The following MSI2 variants were observed in gnomAD, a reference collection of about 807,000 sequenced individuals.
MSI2 encodes musashi RNA binding protein 2.
A neutral mutation model predicts 45.6 loss-of-function variants in MSI2; 17 were observed. The observed-to-expected ratio is 0.37, with a 90% CI of 0.26 to 0.56. MSI2 has a LOEUF of 0.56. MSI2 is among the 20% of genes least tolerant of loss of function. The probability of loss-of-function intolerance (pLI) is 0.77; values close to 1 mark genes in which losing one functional copy is unlikely to be tolerated. For synonymous variants in MSI2, 156 were observed against 158.2 expected (o/e 0.99, Z 0.11); for missense variants, 293 against 444.2 (o/e 0.66, Z 3.06).
chr17:57,256,756 G>A lies in MSI2; in HGVS notation c.14G>A (p.Gly5Glu). The A allele has an allele frequency of 6.8e-7, 1 of 1,469,500 alleles. No homozygotes were observed. The highest frequency in any genetic ancestry group is 1.4e-5 in the South Asian group (1 of 73,446). The allele number at this position is 1,469,500 out of a possible 1,614,324, so 91.0% of individuals were successfully genotyped here. The change falls in exon 1 of 14, where the codon GGG becomes GAG. Residue 5 changes from glycine to glutamate, a missense_variant. Gly to Glu is a moderately conservative substitution (Grantham distance 98). Coordinates refer to ENST00000284073, the MANE Select transcript of MSI2 (RefSeq NM_138962.4). ...GGGGGCTCAGATATGGAGGCAAATG[G>A]GAGCCAAGGCACCTCGGGCAGCGCC... is the stretch of plus-strand genomic sequence containing the variant. Reference protein sequence around the residue: MEANGSQGTSGSAND... With the variant: MEANESQGTSGSAND...
At chr17:57,626,960 G>A in intron 9 of MSI2, 1 of 548,146 alleles carries the variant, frequency 1.8e-6, no homozygotes, top group Non-Finnish European at 3.3e-6. Flanking sequence ...GCTGATGCAT[G>A]GCATTTACTC....
the MSI2 span, among the ~76,000 whole-genome samples, chr17:57,690,221 C>A: frequency 6.9e-6 from 1 of 145,388 alleles, no homozygotes; most frequent in Non-Finnish European, 1.5e-5. Flanking sequence ...ATTTGTATTT[C>A]TCTAATGAGT....
At position 57,425,531 on chromosome 17, in the gene MSI2, T is replaced by C. The variant is rs139608450; in HGVS notation, c.405+24060T>C. ...AGATGGCCTTTTCTGGTCAGTAGTA[T>C]GTCAGAGGCATTTTTCCATGTGATT... On this transcript the variant is annotated intron_variant, in intron 6 of 13. Transcript: ENST00000284073. Among the ~76,000 whole-genome samples the C allele has an allele frequency of 4.3e-3, 662 of 152,290 alleles. 5 individuals carry two copies. Among genetic ancestry groups the C allele is most frequent in the African/African-American group, 0.015 (640 of 41,552 alleles).
chr17:57,584,792 T>G (rs1335187217), intron 7 of MSI2, among the ~76,000 whole-genome samples: 4 of 77,488 alleles, frequency 5.2e-5, no homozygotes, highest in Non-Finnish European at 8.5e-5. Context: ...ATGATTTGGG[T>G]TTTTTTTTTT....
chr17:57,526,356 G>GGGGTGTGTGTGTGTGTGT, intron 6 of MSI2, among the ~76,000 whole-genome samples: 1 of 122,612 alleles, frequency 8.2e-6, no homozygotes, highest in African/African-American at 3.2e-5. Context: ...GATATACCTG[G>GGGGTGTGTGTGTGTGTGT]GTGTGTGTGT....
At chr17:57,456,889 AG>A (rs2085126572) in intron 6 of MSI2, among the ~76,000 whole-genome samples, 1 of 152,142 alleles carries the variant, frequency 6.6e-6, no homozygotes, top group Non-Finnish European at 1.5e-5. Context: ...AGGCTCTTTG[AG>A]TTGGGAGCAA....
At chr17:57,318,138 G>T (rs1237888619) in intron 5 of MSI2, among the ~76,000 whole-genome samples, 1 of 152,166 alleles carries the variant, frequency 6.6e-6, no homozygotes, top group South Asian at 2.1e-4. Context: ...GACAGAGGGA[G>T]ACTCTGTCTC....
At chr17:57,351,360 T>C (rs1916017551) in intron 5 of MSI2, among the ~76,000 whole-genome samples, 1 of 152,070 alleles carries the variant, frequency 6.6e-6, no homozygotes, top group South Asian at 2.1e-4. Flanking sequence ...GACTAGGGCT[T>C]AGTTGCCCTC....
intron 5 of MSI2, among the ~76,000 whole-genome samples, chr17:57,334,150 C>T (rs976947208): frequency 1.3e-5 from 2 of 152,158 alleles, no homozygotes; most frequent in African/African-American, 4.8e-5. Flanking sequence ...GCTTGGCTGC[C>T]TTGTGCATTT....
At chr17:57,494,537 A>G (rs1182076699) in intron 6 of MSI2, among the ~76,000 whole-genome samples, 1 of 152,196 alleles carries the variant, frequency 6.6e-6, no homozygotes, top group Non-Finnish European at 1.5e-5. Context: ...TTAGCAGTGA[A>G]AATTGCATCT....
intron 7 of MSI2, among the ~76,000 whole-genome samples, chr17:57,588,069 TC>T (rs1904473764): frequency 1.3e-5 from 2 of 151,932 alleles, no homozygotes; most frequent in Non-Finnish European, 2.9e-5. Flanking sequence ...GAGGGCCAGT[TC>T]AGAAGGGACC....
intron 6 of MSI2, among the ~76,000 whole-genome samples, chr17:57,431,482 C>T (rs563388584): frequency 3.3e-5 from 5 of 152,246 alleles, no homozygotes; most frequent in African/African-American, 4.8e-5. Context: ...GTTTGGGGGT[C>T]CCAAGGCCAG....
rs1000919468 is a variant in MSI2, at chr17:57,596,789, G to T, written c.455-79G>T. On this transcript the variant is annotated intron_variant, in intron 7 of 13. Coordinates refer to ENST00000284073, the MANE Select transcript of MSI2 (RefSeq NM_138962.4). The surrounding 1 kb of genome is among the most constrained non-coding windows in gnomAD (Gnocchi z 4.6). ...CAGGAGGCTGTCAAGACCTCAGGACGTCAGAGAAAAACCTGGGCCTGCCAG... is the reference window on the plus strand; with the variant it reads ...CAGGAGGCTGTCAAGACCTCAGGACTTCAGAGAAAAACCTGGGCCTGCCAG... The T allele has an allele frequency of 4.0e-6, 4 of 987,674 alleles. No homozygotes were observed. The highest frequency in any genetic ancestry group is 2.0e-4 in the Middle Eastern group (1 of 4,906). 61.2% of individuals were successfully genotyped at this position (987,674 alleles called of 1,614,324 possible).
intron 7 of MSI2, among the ~76,000 whole-genome samples, chr17:57,587,545 G>A (rs756548668): frequency 1.9e-4 from 24 of 128,882 alleles, no homozygotes; most frequent in Non-Finnish European, 3.0e-4. Flanking sequence ...ATCACTCCCC[G>A]CCCCCCACCC....
At position 57,596,759 on chromosome 17, in the gene MSI2, C is replaced by A; in HGVS notation, c.455-109C>A. 1.4e-6 allele frequency: 1 copy of A among 735,176 alleles called. No homozygotes were observed. The highest frequency in any genetic ancestry group is 1.5e-5 in the South Asian group (1 of 65,832). The allele number at this position is 735,176 out of a possible 1,614,324, so 45.5% of individuals were successfully genotyped here. A position where few individuals can be genotyped will look rare whatever the true frequency, so the allele number is the denominator to read the frequency against. The stretch of plus-strand genomic sequence containing the variant: ...TCCCAAGGATCCGCCTACCTACCCC[C>A]AGACCAGGAGGCTGTCAAGACCTCA... On this transcript the variant is annotated intron_variant, in intron 7 of 13. Transcript: ENST00000284073. The surrounding 1 kb of genome is among the most constrained non-coding windows in gnomAD (Gnocchi z 4.6).
rs182822889 is a variant in MSI2 at position 57,552,585 on chromosome 17, C to T, written c.454+22861C>T. On this transcript the variant is annotated intron_variant, in intron 7 of 13. Coordinates refer to ENST00000284073, the MANE Select transcript of MSI2 (RefSeq NM_138962.4). The surrounding 1 kb of genome is among the most constrained non-coding windows in gnomAD (Gnocchi z 4.3). Reference sequence around the variant, plus strand: ...TTTAATCCCTATTGCCCAGCAACGGCTTCCTTGGTTAGAGACAGTCTGGCA... The same window carrying T: ...TTTAATCCCTATTGCCCAGCAACGGTTTCCTTGGTTAGAGACAGTCTGGCA... Among the ~76,000 whole-genome samples, 79 of 152,290 alleles carry T rather than the reference C, an allele frequency of 5.2e-4. 1 individual carries two copies. Among genetic ancestry groups the T allele is most frequent in the Middle Eastern group, 6.8e-3 (2 of 294 alleles).
Position 57,488,127 on chromosome 17 carries a change from T to C in MSI2, c.406-41549T>C, listed in dbSNP as rs1453560701. Among the ~76,000 whole-genome samples, 6 of 152,084 alleles carry C rather than the reference T, an allele frequency of 3.9e-5. No individual in the cohort carries two copies. In the East Asian group the frequency reaches 9.7e-4, roughly 24 times the overall value. On this transcript the variant is annotated intron_variant, in intron 6 of 13. Transcript: ENST00000284073. ...AAGCCACCTTCATTTGTCCCGACGA[T>C]CATGCTGGTCCCAGAGTTGGCCTCA... is the stretch of plus-strand genomic sequence containing the variant.
At chr17:57,417,802 G>A (rs1272445466) in intron 6 of MSI2, among the ~76,000 whole-genome samples, 1 of 152,160 alleles carries the variant, frequency 6.6e-6, no homozygotes, top group Non-Finnish European at 1.5e-5. Context: ...GAAGTCAGTG[G>A]TTTTCTGCTA....
In MSI2 at chr17:57,510,658, C is replaced by T. The variant is rs565895554; in HGVS notation, c.406-19018C>T. On this transcript the variant is annotated intron_variant, in intron 6 of 13. Coordinates refer to ENST00000284073, the MANE Select transcript of MSI2 (RefSeq NM_138962.4). The stretch of plus-strand genomic sequence containing the variant: ...GGCCAGGCTGGTCTCAAACTCCTGA[C>T]CTCAGGTGATCCACCCACCTCTGCC... Among the ~76,000 whole-genome samples, 397 of 152,164 alleles carry T rather than the reference C, an allele frequency of 2.6e-3. 2 individuals carry two copies. The highest frequency in any genetic ancestry group is 4.7e-3 in the Non-Finnish European group (322 of 68,024).
Sources: gnomAD v4.1 joint callset for allele counts (sites outside exome capture counted in the v4.1 genomes callset) on GRCh38, gnomAD v4.1.1 for gene constraint, Gnocchi (gnomAD v3.1) non-coding constraint, MANE v1.5 for transcripts, NCBI Gene and HGNC (gene_info 2026-07-23, HGNC 2026-07-21) for gene names.